The following OSBPL10 variants were observed in gnomAD, a reference collection of about 807,000 sequenced individuals.
The protein encoded by OSBPL10 is oxysterol-binding protein-related protein 10.
A neutral mutation model predicts 81.7 loss-of-function variants in OSBPL10; 49 were observed. That is an observed-to-expected ratio of 0.60 (90% CI 0.48 to 0.76). The LOEUF (loss-of-function observed/expected upper bound fraction) is 0.76, where lower values mean the gene tolerates loss of function less well. Ranked by LOEUF, OSBPL10 falls within the 30% of genes least tolerant of loss-of-function variation. The pLI is 0.00. For synonymous variants in OSBPL10, 419 were observed against 383.6 expected, an observed-to-expected ratio of 1.09 and a Z score of -1.08; for missense variants, 923 against 987.8, an observed-to-expected ratio of 0.93 and a Z score of 0.88.
In OSBPL10 at chr3:31,980,837, GCACGCACA is replaced by G. The variant is rs1038280776; in HGVS notation, c.281+54_281+61del. On this transcript the variant is annotated intron_variant, in intron 1 of 11. Coordinates refer to ENST00000396556, the MANE Select transcript of OSBPL10 (RefSeq NM_017784.5). ...CATACACAGACACACATACACACAC[GCACGCACA>G]CACACACACACACACACAGCGGCGC... is the stretch of plus-strand genomic sequence containing the variant. The G allele has an allele frequency of 4.6e-4, 648 of 1,408,442 alleles. 5 individuals are homozygous for G. The highest frequency in any genetic ancestry group is 7.2e-4 in the Admixed American group (25 of 34,874). The allele number at this position is 1,408,442 out of a possible 1,614,324, so 87.2% of individuals were successfully genotyped here. A position where few individuals can be genotyped will look rare whatever the true frequency, so the allele number is the denominator to read the frequency against.
chr3:31,986,555 C>T (rs1215736029), intron 2 of OSBPL10: 1 of 152,040 alleles, frequency 6.6e-6, no homozygotes, highest in African/African-American at 2.4e-5. Context: ...ACCATCCTGG[C>T]TAACACAGTG....
At chr3:31,987,499 T>C (rs1698950141) in intron 2 of OSBPL10, among the ~76,000 whole-genome samples, 1 of 152,254 alleles carries the variant, frequency 6.6e-6, no homozygotes, top group South Asian at 2.1e-4. Flanking sequence ...GTGGCTCATG[T>C]ACTACAGAAT....
intron 4 of OSBPL10, among the ~76,000 whole-genome samples, chr3:31,748,459 C>T (rs1342623446): frequency 1.3e-4 from 20 of 152,074 alleles, no homozygotes; most frequent in Admixed American, 1.3e-3. Flanking sequence ...CCTTCTTCTA[C>T]GGAAGGTTAT....
intron 3 of OSBPL10, among the ~76,000 whole-genome samples, chr3:31,833,271 C>T (rs1700288803): frequency 6.6e-6 from 1 of 152,154 alleles, no homozygotes; most frequent in South Asian, 2.1e-4. Flanking sequence ...TTCATACACA[C>T]ACCTCTATCC....
chr3:32,043,118 AC>A (rs1699592105), intron 2 of OSBPL10, among the ~76,000 whole-genome samples: 1 of 152,138 alleles, frequency 6.6e-6, no homozygotes, highest in Admixed American at 6.6e-5. Context: ...CCTTATCTCA[AC>A]TGCATAAGAC....
At chr3:31,966,364 G>A (rs954943848) in intron 1 of OSBPL10, among the ~76,000 whole-genome samples, 1 of 151,108 alleles carries the variant, frequency 6.6e-6, no homozygotes, top group Non-Finnish European at 1.5e-5. Flanking sequence ...GAAAAGAAAT[G>A]ATAATTTAAT....
chr3:31,678,780 AAC>A (rs1350169171), intron 8 of OSBPL10, among the ~76,000 whole-genome samples: 1 of 107,070 alleles, frequency 9.3e-6, no homozygotes, highest in Admixed American at 1.0e-4. Context: ...CACAGATTCA[AAC>A]TGTGTGTGTG....
intron 3 of OSBPL10, among the ~76,000 whole-genome samples, chr3:31,852,039 G>A (rs1241084167): frequency 2.0e-5 from 3 of 152,166 alleles, no homozygotes; most frequent in Non-Finnish European, 4.4e-5. Context: ...ACCATTCCCA[G>A]CAGCTGCAGG....
At chr3:31,894,326 G>A (rs903638346) in intron 1 of OSBPL10, among the ~76,000 whole-genome samples, 2 of 152,148 alleles carry the variant, frequency 1.3e-5, no homozygotes, top group African/African-American at 2.4e-5. Context: ...AGGAAGGAAC[G>A]GGCCTGGGAC....
intron 10 of OSBPL10, chr3:31,664,633 A>C (rs184533793): frequency 2.2e-4 from 49 of 219,662 alleles, no homozygotes; most frequent in Non-Finnish European, 1.9e-4. Flanking sequence ...TAGACGGTAG[A>C]TTCTTATCTC....
At chr3:31,792,840 C>T (rs1342648376) in intron 4 of OSBPL10, among the ~76,000 whole-genome samples, 1 of 136,388 alleles carries the variant, frequency 7.3e-6, no homozygotes, top group East Asian at 2.3e-4. Flanking sequence ...GCGTTTTGCA[C>T]TCTCAGCTAT....
intron 1 of OSBPL10, among the ~76,000 whole-genome samples, chr3:31,962,783 G>A (rs1001276824): frequency 3.0e-4 from 45 of 152,168 alleles, no homozygotes; most frequent in African/African-American, 1.1e-3. Flanking sequence ...TTGGGTGCAA[G>A]GTAAATGCAC....
intron 1 of OSBPL10, among the ~76,000 whole-genome samples, chr3:31,954,303 A>C (rs1401709386): frequency 6.6e-6 from 1 of 152,192 alleles, no homozygotes; most frequent in African/African-American, 2.4e-5. Context: ...AATCCTCTAC[A>C]AAGAGCCTTT....
At chr3:31,861,383 C>T (rs982700042) in intron 3 of OSBPL10, among the ~76,000 whole-genome samples, 11 of 152,052 alleles carry the variant, frequency 7.2e-5, no homozygotes, top group African/African-American at 2.4e-4. Context: ...ATGTCTAATG[C>T]AATGTAAATG....
At chr3:31,983,671 G>C (rs574019705), upstream of OSBPL10, among the ~76,000 whole-genome samples, 1 of 152,098 alleles carries the variant, frequency 6.6e-6, no homozygotes, top group Admixed American at 6.6e-5. Flanking sequence ...CTCTTCACCC[G>C]GTTTGTGTTT....
intron 1 of OSBPL10, among the ~76,000 whole-genome samples, chr3:31,945,478 T>C (rs1192734011): frequency 2.0e-5 from 3 of 152,240 alleles, no homozygotes; most frequent in Non-Finnish European, 2.9e-5. Flanking sequence ...ATTGTTTTTA[T>C]TTTTGGCTTT....
chr3:31,963,714 A>C (rs761929666), intron 1 of OSBPL10, among the ~76,000 whole-genome samples: 7 of 152,220 alleles, frequency 4.6e-5, no homozygotes, highest in Non-Finnish European at 1.0e-4. Context: ...AATCACATTT[A>C]ACCTGATTTC....
chr3:31,702,608 T>C, intron 6 of OSBPL10, 100 bp from the exon 7 acceptor site: 2 of 1,500,658 alleles, frequency 1.3e-6, no homozygotes, highest in Non-Finnish European at 9.1e-7. Flanking sequence ...AGAAACCCAA[T>C]CCTGTCCCGG....
At chr3:31,894,176 TTGGATGGATGAATC>T (rs1464173606) in intron 1 of OSBPL10, among the ~76,000 whole-genome samples, 17 of 152,066 alleles carry the variant, frequency 1.1e-4, no homozygotes, top group African/African-American at 4.1e-4. Flanking sequence ...CACTTAGCCG[TTGGATGGATGAATC>T]TGGAGCCCAG....
Sources: gnomAD v4.1 joint callset for allele counts (sites outside exome capture counted in the v4.1 genomes callset) on GRCh38, gnomAD v4.1.1 for gene constraint, MANE v1.5 for transcripts, NCBI Gene and HGNC (gene_info 2026-07-23, HGNC 2026-07-21) for gene names.